Variants in FSD1L observed in about 807,000 individuals in gnomAD.
The protein encoded by FSD1L is FSD1-like protein.
A neutral mutation model predicts 71.6 loss-of-function variants in FSD1L; 45 were observed. The ratio of observed to expected loss-of-function variants is 0.63; its 90% CI spans 0.49 to 0.81. The LOEUF (loss-of-function observed/expected upper bound fraction) is 0.81, where lower values mean the gene tolerates loss of function less well. FSD1L is among the 30% of genes least tolerant of loss of function. The pLI, the probability that FSD1L is intolerant of heterozygous loss-of-function variation, is 0.00. For synonymous variants in FSD1L, 197 were observed against 207.2 expected, an observed-to-expected ratio of 0.95 and a Z score of 0.42; for missense variants, 561 against 618.1, an observed-to-expected ratio of 0.91 and a Z score of 0.98.
intron 7 of FSD1L, among the ~76,000 whole-genome samples, chr9:105,487,602 G>C (rs1400306852): frequency 6.6e-6 from 1 of 151,914 alleles, no homozygotes; most frequent in Non-Finnish European, 1.5e-5. Context: ...TTTTATTAAT[G>C]ATATGTAGGG....
At chr9:105,470,073 T>C (rs1588950715) in intron 4 of FSD1L, among the ~76,000 whole-genome samples, 1 of 152,194 alleles carries the variant, frequency 6.6e-6, no homozygotes, top group Non-Finnish European at 1.5e-5. Flanking sequence ...CGATCATATA[T>C]GTGAAGGGTA....
intron 1 of FSD1L, among the ~76,000 whole-genome samples, chr9:105,452,669 G>GCCTGCCTTCCTGCCTTCCTT (rs1191519308): frequency 4.2e-5 from 4 of 96,240 alleles, no homozygotes; most frequent in Middle Eastern, 4.9e-3. Context: ...CTGCCTGCCT[G>GCCTGCCTTCCTGCCTTCCTT]CCTTCCTTCC....
chr9:105,474,110 T>A (rs557019138), intron 5 of FSD1L, among the ~76,000 whole-genome samples: 1 of 152,306 alleles, frequency 6.6e-6, no homozygotes, highest in Admixed American at 6.5e-5. Context: ...GTGGGAACAT[T>A]AGAGTGTAAT....
chr9:105,488,124 T>C (rs1201890955), intron 7 of FSD1L, among the ~76,000 whole-genome samples: 2 of 152,194 alleles, frequency 1.3e-5, no homozygotes, highest in Non-Finnish European at 2.9e-5. Flanking sequence ...TATCTGCCAT[T>C]GTATTACCAT....
intron 1 of FSD1L, among the ~76,000 whole-genome samples, chr9:105,452,649 G>GCCTT (rs1830085829): frequency 7.7e-6 from 1 of 129,808 alleles, no homozygotes; most frequent in Admixed American, 8.0e-5. Context: ...CTGCCTGCCT[G>GCCTT]CCTGCCTGCC....
At chr9:105,453,744 A>G (rs763565763) in intron 1 of FSD1L, among the ~76,000 whole-genome samples, 1 of 152,184 alleles carries the variant, frequency 6.6e-6, no homozygotes, top group Non-Finnish European at 1.5e-5. Context: ...AAATTTTAAC[A>G]TAGTGCTTGT....
At chr9:105,513,547 A>T in intron 10 of FSD1L, 1 of 1,455,558 alleles carries the variant, frequency 6.9e-7, no homozygotes, top group Non-Finnish European at 9.3e-7. Context: ...ATAAGCTGTT[A>T]AATTTAAGTT....
rs186389988 is a variant in FSD1L at position 105,479,093 on chromosome 9, C to T, written c.442-261C>T. Among the ~76,000 whole-genome samples, 99 of 152,254 alleles carry T rather than the reference C, an allele frequency of 6.5e-4. 1 individual carries two copies. The highest frequency in any genetic ancestry group is 2.3e-3 in the African/African-American group (94 of 41,556). On this transcript the variant is annotated intron_variant, in intron 5 of 13. Transcript: ENST00000481272. Reference sequence around the variant, plus strand: ...AAGGTAAGAATAAAACATTTATAGTCACCTGGAATTTGTTCGAAGTGTTAA... The same window carrying T: ...AAGGTAAGAATAAAACATTTATAGTTACCTGGAATTTGTTCGAAGTGTTAA...
At chr9:105,530,761 G>A (rs2768278) in intron 10 of FSD1L, 79,324 of 494,758 alleles carry the variant, frequency 0.16, 6,867 homozygotes, top group Admixed American at 0.26. Context: ...TGCCTTTTCA[G>A]TTGACAATCA....
In FSD1L at chr9:105,448,112, CGGG is replaced by C. The variant is rs1829734327; in HGVS notation, c.-108_-106del. The C allele has an allele frequency of 2.5e-6, 3 of 1,221,194 alleles. No homozygotes were observed. Among genetic ancestry groups the C allele is most frequent in the Non-Finnish European group, 3.5e-6 (3 of 858,614 alleles). The allele number at this position is 1,221,194 out of a possible 1,614,324, so 75.6% of individuals were successfully genotyped here. A position where few individuals can be genotyped will look rare whatever the true frequency, so the allele number is the denominator to read the frequency against. On this transcript the variant is annotated 5_prime_UTR_variant, in exon 1 of 14. Coordinates refer to ENST00000481272, the MANE Select transcript of FSD1L (RefSeq NM_001145313.3). ...CGGGTGGGGCCGGGCGGTGCCGGTGCGGGCTGGGGCAGTGCAGTGAGTAGCGGT... is the reference window on the plus strand; with the variant it reads ...CGGGTGGGGCCGGGCGGTGCCGGTGCCTGGGGCAGTGCAGTGAGTAGCGGT...
Position 105,508,714 on chromosome 9 carries a change from A to C in FSD1L, c.894A>C (p.Lys298Asn). The stretch of plus-strand genomic sequence containing the variant: ...CTGATCCAGTGACTCTAGAGACCAA[A>C]GGTGAGATCAGTAGCTCTTTATACA... ...EYSDPVTLET[K>N]ALNFNLDNSS... is the part of the protein sequence containing the mutation. Residue 298 changes from lysine to asparagine, a missense_variant and splice_region_variant, in exon 9 of 14, where the codon AAA (lysine) becomes AAC (asparagine). By Grantham distance (94) the Lys-to-Asn change is moderately conservative. Coordinates refer to ENST00000481272, the MANE Select transcript of FSD1L (RefSeq NM_001145313.3). The C allele has an allele frequency of 2.0e-6, 3 of 1,522,980 alleles. No individual in the cohort carries two copies. The highest frequency in any genetic ancestry group is 2.7e-6 in the Non-Finnish European group (3 of 1,121,054). 94.3% of individuals were successfully genotyped at this position (1,522,980 alleles called of 1,614,324 possible).
intron 10 of FSD1L, chr9:105,520,004 G>T (rs1835024341): frequency 2.1e-6 from 3 of 1,417,310 alleles, no homozygotes; most frequent in Non-Finnish European, 1.9e-6. Flanking sequence ...CTCTGCCCTG[G>T]CCCGCAAGGC....
chr9:105,523,289 C>T (rs1835299385), intron 10 of FSD1L: 2 of 1,594,632 alleles, frequency 1.3e-6, no homozygotes, highest in Admixed American at 3.3e-5. Flanking sequence ...ATATAGATCA[C>T]ATGGAACAGA....
At chr9:105,505,722 C>T in intron 7 of FSD1L, among the ~76,000 whole-genome samples, 1 of 152,178 alleles carries the variant, frequency 6.6e-6, no homozygotes, top group Non-Finnish European at 1.5e-5. Context: ...ACTAGCCTTG[C>T]ATACCAGGAA....
intron 13 of FSD1L, 53 bp downstream of exon 13, chr9:105,539,404 A>G (rs1357222375): frequency 2.4e-5 from 19 of 784,196 alleles, no homozygotes; most frequent in Non-Finnish European, 3.9e-6. Flanking sequence ...TTGGTTGGCA[A>G]CTTTAAGGAG....
intron 10 of FSD1L, among the ~76,000 whole-genome samples, chr9:105,526,809 A>G (rs576303698): frequency 1.4e-4 from 21 of 152,118 alleles, no homozygotes; most frequent in Admixed American, 1.2e-3. Context: ...AATTATGTCT[A>G]AGTAGTTTTA....
intron 5 of FSD1L, among the ~76,000 whole-genome samples, chr9:105,474,479 A>G (rs1033966902): frequency 6.6e-6 from 1 of 152,214 alleles, no homozygotes; most frequent in Admixed American, 6.5e-5. Context: ...CCAGATAATA[A>G]TTTGATTTCA....
intron 1 of FSD1L, among the ~76,000 whole-genome samples, chr9:105,448,624 T>TG (rs36033924): frequency 0.68 from 103,268 of 152,010 alleles, 35,439 homozygotes; most frequent in African/African-American, 0.76. Context: ...GGCACAGCCT[T>TG]TTTGGTGTCT....
chr9:105,453,441 T>C (rs1010787900), intron 1 of FSD1L, among the ~76,000 whole-genome samples: 1 of 152,142 alleles, frequency 6.6e-6, no homozygotes, highest in Non-Finnish European at 1.5e-5. Flanking sequence ...CCCAAAGTGC[T>C]GAGATTACAG....
Sources: gnomAD v4.1 joint callset for allele counts (sites outside exome capture counted in the v4.1 genomes callset) on GRCh38, gnomAD v4.1.1 for gene constraint, MANE v1.5 for transcripts, NCBI Gene and HGNC (gene_info 2026-07-23, HGNC 2026-07-21) for gene names.